MME: variants seen among roughly 807,000 people sequenced by gnomAD.
MME encodes neprilysin.
MME carries 98 observed loss-of-function variants against 113.2 expected under a neutral mutation model. The observed-to-expected ratio is 0.87, with a 90% CI of 0.74 to 1.02. The LOEUF is 1.02. Ranked by LOEUF, MME falls within the 50% of genes least tolerant of loss-of-function variation. The probability of loss-of-function intolerance (pLI) is 0.00; values close to 1 mark genes in which losing one functional copy is unlikely to be tolerated. For missense variants in MME, 836 were observed against 896.0 expected, an observed-to-expected ratio of 0.93 and a Z score of 0.86; for synonymous variants, 292 against 300.6, an observed-to-expected ratio of 0.97 and a Z score of 0.30.
chr3:155,061,661 G>GTTT (rs1194964540), intron 1 of MME, among the ~76,000 whole-genome samples: 10 of 133,742 alleles, frequency 7.5e-5, no homozygotes, highest in Non-Finnish European at 1.1e-4. Flanking sequence ...TTATCTGTAG[G>GTTT]TTTTTTTTTT....
intron 20 of MME, 33 bp from the exon 21 acceptor site, chr3:155,172,084 T>C (rs778063928): frequency 8.3e-7 from 1 of 1,210,442 alleles, no homozygotes; most frequent in East Asian, 2.4e-5. Context: ...TAGGAATTAA[T>C]ATTATTGTTT....
chr3:155,141,928 G>A, intron 10 of MME, 63 bp from the exon 11 acceptor site: 1 of 1,585,110 alleles, frequency 6.3e-7, no homozygotes, highest in Non-Finnish European at 8.7e-7. Flanking sequence ...AACTATAACT[G>A]AATCTTGGAC....
intron 22 of MME, among the ~76,000 whole-genome samples, chr3:155,174,874 G>A (rs1436954868): frequency 6.6e-6 from 1 of 151,920 alleles, no homozygotes; most frequent in African/African-American, 2.4e-5. Flanking sequence ...TTTGTCAAGG[G>A]TTTGCCCTGC....
intron 4 of MME, 129 bp downstream of exon 4, chr3:155,115,284 G>T: frequency 8.9e-7 from 1 of 1,118,344 alleles, no homozygotes; most frequent in Non-Finnish European, 1.3e-6. Flanking sequence ...TCCAGGATTT[G>T]TGTACCACCA....
At chr3:155,056,298 A>T (rs1713924930) in intron 1 of MME, among the ~76,000 whole-genome samples, 1 of 151,076 alleles carries the variant, frequency 6.6e-6, no homozygotes, top group Admixed American at 6.6e-5. Context: ...ATTTAGCATT[A>T]GGTATATCTC....
At chr3:155,168,823 T>C in intron 20 of MME, 26 bp downstream of exon 20, 1 of 1,574,482 alleles carries the variant, frequency 6.4e-7, no homozygotes, top group Non-Finnish European at 8.7e-7. Flanking sequence ...TTTCTTTCCA[T>C]TTTAGTGATT....
intron 1 of MME, among the ~76,000 whole-genome samples, chr3:155,056,818 C>T (rs1713945182): frequency 6.6e-6 from 1 of 152,142 alleles, no homozygotes; most frequent in African/African-American, 2.4e-5. Flanking sequence ...TGATCTTTGA[C>T]AAACCTGAGA....
intron 1 of MME, among the ~76,000 whole-genome samples, chr3:155,070,395 A>G (rs1714513058): frequency 1.3e-5 from 2 of 152,340 alleles, no homozygotes; most frequent in East Asian, 1.9e-4. Context: ...GCCACTATGT[A>G]CATACATCTG....
At chr3:155,053,245 C>T (rs551684900) in intron 1 of MME, among the ~76,000 whole-genome samples, 5 of 152,202 alleles carry the variant, frequency 3.3e-5, no homozygotes, top group Non-Finnish European at 7.3e-5. Context: ...TTCACAGCAG[C>T]ACCCATTCTC....
chr3:155,159,620 T>A (rs1722568333), intron 16 of MME, among the ~76,000 whole-genome samples: 1 of 151,944 alleles, frequency 6.6e-6, no homozygotes, highest in Admixed American at 6.6e-5. Context: ...GGGAGCCATT[T>A]TTTTCCATTT....
intron 1 of MME, among the ~76,000 whole-genome samples, chr3:155,031,855 T>C (rs1185863570): frequency 6.6e-6 from 1 of 152,182 alleles, no homozygotes; most frequent in Admixed American, 6.5e-5. Context: ...GACGGGATTT[T>C]GCCATGTTTG....
At chr3:155,084,918 CAAT>C in intron 2 of MME, 138 bp from the exon 3 acceptor site, 1 of 509,038 alleles carries the variant, frequency 2.0e-6, no homozygotes. Flanking sequence ...TAACCACTGA[CAAT>C]GATATATAAT....
At chr3:155,089,938 A>T in intron 3 of MME, 3 of 383,054 alleles carry the variant, frequency 7.8e-6, no homozygotes, top group Non-Finnish European at 1.6e-5. Context: ...CCAGCCTGGA[A>T]GACAGCGCAA....
chr3:155,043,194 A>G (rs1576666429), intron 1 of MME, among the ~76,000 whole-genome samples: 1 of 151,348 alleles, frequency 6.6e-6, no homozygotes, highest in East Asian at 1.9e-4. Flanking sequence ...CTTTTCTTAC[A>G]GTAATTTTAT....
intron 1 of MME, among the ~76,000 whole-genome samples, chr3:155,063,315 C>A (rs1355146095): frequency 2.1e-5 from 2 of 96,228 alleles, no homozygotes; most frequent in Admixed American, 1.3e-4. Context: ...TATAATATAT[C>A]ATTTATAATA....
upstream of MME, among the ~76,000 whole-genome samples, chr3:155,077,040 A>G (rs1281061468): frequency 6.6e-6 from 1 of 152,070 alleles, no homozygotes; most frequent in Non-Finnish European, 1.5e-5. Context: ...ACATCATCGT[A>G]TGACTAAGAA....
chr3:155,087,648 C>G (rs1715880589), intron 3 of MME, among the ~76,000 whole-genome samples: 2 of 152,200 alleles, frequency 1.3e-5, no homozygotes, highest in African/African-American at 4.8e-5. Context: ...CTTTAATACA[C>G]TTGACATGTC....
In MME at chr3:155,144,445, A is replaced by G; in HGVS notation, c.1404A>G (p.Arg468=). 6.2e-7 allele frequency: 1 copy of G among 1,610,972 alleles called. No homozygotes were observed. Among genetic ancestry groups the G allele is most frequent in the Non-Finnish European group, 8.5e-7 (1 of 1,177,410 alleles). Residue 468 remains arginine (R), a synonymous_variant, in exon 14 of 23, where the codon AGA becomes AGG. Transcript: ENST00000360490. ...LTWMDAETKK[R]AEEKALAIKE... is the part of the protein sequence containing the mutation. ...GGATGGATGCCGAGACAAAAAAGAGAGCTGAAGAAAAGGTAAAGAGCAGAC... is the reference window on the plus strand; with the variant it reads ...GGATGGATGCCGAGACAAAAAAGAGGGCTGAAGAAAAGGTAAAGAGCAGAC...
intron 1 of MME, among the ~76,000 whole-genome samples, chr3:155,034,431 T>C (rs1713067121): frequency 6.6e-6 from 1 of 152,224 alleles, no homozygotes; most frequent in African/African-American, 2.4e-5. Context: ...AGTTATCAAC[T>C]TGATTTTAGG....
Sources: gnomAD v4.1 joint callset for allele counts (sites outside exome capture counted in the v4.1 genomes callset) on GRCh38, gnomAD v4.1.1 for gene constraint, MANE v1.5 for transcripts, NCBI Gene and HGNC (gene_info 2026-07-23, HGNC 2026-07-21) for gene names.